Variants in MGMT observed in about 807,000 individuals in gnomAD.
MGMT encodes the protein O-6-methylguanine-DNA methyltransferase.
Under a neutral mutation model 15.9 loss-of-function variants are expected in MGMT, and 14 were observed. The ratio of observed to expected loss-of-function variants is 0.88; its 90% confidence interval spans 0.58 to 1.37. The LOEUF (loss-of-function observed/expected upper bound fraction) is 1.37, where lower values mean the gene tolerates loss of function less well. Ranked by LOEUF, MGMT falls within the 40% of genes most tolerant of loss-of-function variation. The pLI is 0.00. For missense variants in MGMT, 282 were observed against 268.1 expected (o/e 1.05, Z -0.36); for synonymous variants, 130 against 118.2 (o/e 1.10, Z -0.65).
At position 129,515,807 on chromosome 10, in the gene MGMT, T is replaced by C. The variant is rs1845732442; in HGVS notation, c.-12-20434T>C. ...TAGCGGGAGTAATTACCCATGTTGA[T>C]GACAGCCTCTAACAGAGGTGCAGTC... On this transcript the variant is annotated intron_variant, in intron 1 of 4. Coordinates refer to ENST00000651593, the MANE Select transcript of MGMT (RefSeq NM_002412.5). Among the ~76,000 whole-genome samples, 4 of 152,196 alleles carry C rather than the reference T, an allele frequency of 2.6e-5. No homozygotes were observed. The South Asian group carries it at 8.3e-4, about 32-fold the overall frequency.
At chr10:129,536,110 T>C in intron 1 of MGMT, 131 bp from the exon 2 acceptor site, 4 of 1,066,680 alleles carry the variant, frequency 3.7e-6, no homozygotes, top group Admixed American at 2.7e-5. Context: ...TGATGCATCG[T>C]ATAATTCCAA....
intron 1 of MGMT, among the ~76,000 whole-genome samples, chr10:129,521,860 C>T (rs1468648617): frequency 1.3e-5 from 2 of 152,234 alleles, no homozygotes; most frequent in Admixed American, 6.5e-5. Flanking sequence ...ACAGGAGTCG[C>T]AGCTCCAGGA....
At chr10:129,503,670 A>G (rs1169704553) in intron 1 of MGMT, among the ~76,000 whole-genome samples, 2 of 152,190 alleles carry the variant, frequency 1.3e-5, no homozygotes, top group Admixed American at 1.3e-4. Flanking sequence ...TTTGAAGGTA[A>G]TATCTTTTAT....
intron 1 of MGMT, among the ~76,000 whole-genome samples, chr10:129,518,949 C>T (rs10741193): frequency 0.71 from 104,499 of 148,032 alleles, 37,295 homozygotes; most frequent in Middle Eastern, 0.82. Flanking sequence ...GGCATGTCTC[C>T]GCAGGAAGAG....
intron 4 of MGMT, among the ~76,000 whole-genome samples, chr10:129,762,470 C>T (rs1400689840): frequency 6.6e-6 from 1 of 152,146 alleles, no homozygotes; most frequent in African/African-American, 2.4e-5. Context: ...CCAGAATCCT[C>T]CAGGAAGGAC....
intron 2 of MGMT, among the ~76,000 whole-genome samples, chr10:129,613,924 C>G (rs1846991293): frequency 6.6e-6 from 1 of 152,194 alleles, no homozygotes; most frequent in Admixed American, 6.5e-5. Flanking sequence ...GGTGGACATG[C>G]ATTTTGGTTT....
At chr10:129,663,536 T>C (rs1251005693) in intron 2 of MGMT, among the ~76,000 whole-genome samples, 2 of 152,002 alleles carry the variant, frequency 1.3e-5, no homozygotes, top group African/African-American at 4.8e-5. Context: ...AATCAGTAAA[T>C]CAAATTCTAG....
At chr10:129,691,642 G>C (rs1847971160) in intron 2 of MGMT, among the ~76,000 whole-genome samples, 1 of 152,190 alleles carries the variant, frequency 6.6e-6, no homozygotes, top group Non-Finnish European at 1.5e-5. Flanking sequence ...CAGTGGCACA[G>C]GTGTCAGGGG....
intron 3 of MGMT, among the ~76,000 whole-genome samples, chr10:129,711,425 G>A (rs1027329278): frequency 1.1e-4 from 17 of 152,152 alleles, no homozygotes; most frequent in Admixed American, 1.0e-3. Context: ...CCGGGTGTCC[G>A]GAGGTCCCCG....
intron 2 of MGMT, among the ~76,000 whole-genome samples, chr10:129,626,511 G>A (rs1233143476): frequency 2.0e-5 from 3 of 152,240 alleles, no homozygotes; most frequent in East Asian, 1.9e-4. Context: ...CGAGCCCCGC[G>A]GCATGTTCTG....
rs549887158 is a variant in MGMT, at chr10:129,756,441, AAGAG to A, written c.275-2757_275-2754del. 1.2e-4 allele frequency among the ~76,000 whole-genome samples: 18 copies of A among 152,284 alleles called. No homozygotes were observed. The South Asian group carries it at 2.3e-3, about 19-fold the overall frequency. The stretch of plus-strand genomic sequence containing the variant: ...TGCCCTCTGGGGAGGCCCATGGTGA[AAGAG>A]AGAAGGCTGCTGGGGTTTTTTTTGT... On this transcript the variant is annotated intron_variant, in intron 3 of 4. Coordinates refer to ENST00000651593, the MANE Select transcript of MGMT (RefSeq NM_002412.5).
intron 2 of MGMT, among the ~76,000 whole-genome samples, chr10:129,618,392 C>T (rs915624991): frequency 2.6e-5 from 4 of 151,876 alleles, no homozygotes; most frequent in African/African-American, 7.2e-5. Context: ...CCAACATGGC[C>T]CCGACTTCAT....
At chr10:129,521,676 G>A (rs1014075045) in intron 1 of MGMT, among the ~76,000 whole-genome samples, 7 of 152,320 alleles carry the variant, frequency 4.6e-5, no homozygotes, top group African/African-American at 1.7e-4. Context: ...GCTGGAGGGA[G>A]CGTCTACCTG....
At chr10:129,586,665 T>C (rs745310003) in intron 2 of MGMT, among the ~76,000 whole-genome samples, 1 of 152,216 alleles carries the variant, frequency 6.6e-6, no homozygotes, top group South Asian at 2.1e-4. Context: ...CTTTCTGCTT[T>C]CGGCTGTTGC....
chr10:129,648,225 C>G (rs1847418983), intron 2 of MGMT, among the ~76,000 whole-genome samples: 1 of 152,122 alleles, frequency 6.6e-6, no homozygotes, highest in Non-Finnish European at 1.5e-5. Context: ...ACCGCGAACT[C>G]CAGTCTGTAG....
intron 3 of MGMT, among the ~76,000 whole-genome samples, chr10:129,711,743 C>T (rs777000856): frequency 2.0e-5 from 3 of 152,108 alleles, no homozygotes; most frequent in Admixed American, 6.5e-5. Context: ...TGTCGTACAA[C>T]GTAGCTTTTT....
chr10:129,488,885 G>A (rs1025654296), intron 1 of MGMT, among the ~76,000 whole-genome samples: 4 of 152,256 alleles, frequency 2.6e-5, no homozygotes, highest in African/African-American at 9.6e-5. Context: ...TGGATATAGA[G>A]CAAGAGAGGC....
intron 2 of MGMT, among the ~76,000 whole-genome samples, chr10:129,635,401 C>T (rs920887469): frequency 2.6e-5 from 4 of 152,344 alleles, no homozygotes; most frequent in East Asian, 1.9e-4. Context: ...TGTGCCCCTC[C>T]GGGTGCCCGG....
chr10:129,694,423 C>T (rs2133130516), intron 2 of MGMT: 1 of 152,340 alleles, frequency 6.6e-6, no homozygotes, highest in East Asian at 1.9e-4. Context: ...GGTCCACAGA[C>T]CTGCCTGCCT....
Sources: allele counts gnomAD v4.1 joint callset (sites outside exome capture counted in the v4.1 genomes callset), GRCh38; gene constraint gnomAD v4.1.1; transcripts MANE v1.5; gene names NCBI Gene and HGNC (gene_info 2026-07-23, HGNC 2026-07-21).